APMAP: variants seen among roughly 807,000 people sequenced by gnomAD.
APMAP encodes the protein adipocyte plasma membrane-associated protein.
In APMAP, 33 loss-of-function variants were observed where a neutral mutation model predicts 43.6. That is an observed-to-expected ratio of 0.76 (90% CI 0.57 to 1.01). APMAP has a LOEUF of 1.01. Among genes scored for constraint, APMAP ranks in the 50% least tolerant of loss-of-function variants. APMAP has a pLI of 0.00. For missense variants in APMAP, 498 were observed against 540.7 expected (o/e 0.92, Z 0.78); for synonymous variants, 224 against 216.7 (o/e 1.03, Z -0.30).
At chr20:24,982,796 G>A (rs998813525) in intron 2 of APMAP, among the ~76,000 whole-genome samples, 8 of 152,024 alleles carry the variant, frequency 5.3e-5, no homozygotes, top group Non-Finnish European at 1.2e-4. Context: ...AGAAGGGTTA[G>A]AAAGAGAGAA....
At chr20:24,984,095 C>T in intron 1 of APMAP, 76 bp from the exon 2 acceptor site, 1 of 1,202,352 alleles carries the variant, frequency 8.3e-7, no homozygotes, top group Non-Finnish European at 1.2e-6. Flanking sequence ...CGAAAGCCCT[C>T]CCGGCAGGAG....
At chr20:24,988,235 A>G (rs2122532115) in intron 1 of APMAP, among the ~76,000 whole-genome samples, 1 of 152,300 alleles carries the variant, frequency 6.6e-6, no homozygotes, top group South Asian at 2.1e-4. Context: ...CTTGCCTAAC[A>G]TCATTCTACC....
At chr20:24,968,308 T>A (rs981993894) in intron 8 of APMAP, among the ~76,000 whole-genome samples, 5 of 152,158 alleles carry the variant, frequency 3.3e-5, no homozygotes, top group African/African-American at 2.4e-5. Context: ...GACTTTTTTT[T>A]AAAAAGGGAA....
At chr20:24,983,268 C>T (rs1191841555) in intron 2 of APMAP, among the ~76,000 whole-genome samples, 1 of 152,206 alleles carries the variant, frequency 6.6e-6, no homozygotes, top group Admixed American at 6.5e-5. Context: ...AAATAAGCTT[C>T]AGATGGCTTC....
intron 1 of APMAP, among the ~76,000 whole-genome samples, chr20:24,991,069 GTCT>G (rs1486465189): frequency 6.6e-6 from 1 of 152,220 alleles, no homozygotes; most frequent in Non-Finnish European, 1.5e-5. Context: ...AAACAATTAA[GTCT>G]GCCTGCTTGC....
chr20:24,979,673 T>C (rs2088084005), intron 2 of APMAP, among the ~76,000 whole-genome samples: 1 of 152,074 alleles, frequency 6.6e-6, no homozygotes, highest in African/African-American at 2.4e-5. Context: ...TGTAGTCTAT[T>C]CTCAATCCAG....
At position 24,964,036 on chromosome 20, in the gene APMAP, C is replaced by CT; in HGVS notation, c.1042-15_1042-14insA. The CT allele has an allele frequency of 6.2e-7, 1 of 1,613,724 alleles. No individual in the cohort carries two copies. Among genetic ancestry groups the CT allele is most frequent in the Non-Finnish European group, 8.5e-7 (1 of 1,179,698 alleles). On this transcript the variant is annotated splice_polypyrimidine_tract_variant and intron_variant, in intron 8 of 8. Coordinates refer to ENST00000217456, the MANE Select transcript of APMAP (RefSeq NM_020531.3). ...TTGACTAAAGAGCTAGAGGGAAGCA[C>CT]AGTGCAGGGAAAGTTCACCAGCTGG...
chr20:24,971,013 A>G (rs2087994590), intron 5 of APMAP, among the ~76,000 whole-genome samples: 1 of 152,228 alleles, frequency 6.6e-6, no homozygotes. Context: ...CACAGCACGT[A>G]TTACAGCCTG....
At chr20:24,964,210 C>A (rs929052425) in intron 8 of APMAP, among the ~76,000 whole-genome samples, 188 bp from the exon 9 acceptor site, 3 of 152,160 alleles carry the variant, frequency 2.0e-5, no homozygotes, top group Non-Finnish European at 4.4e-5. Flanking sequence ...CCAAAGCAGG[C>A]CCCACCCCAC....
intron 1 of APMAP, among the ~76,000 whole-genome samples, chr20:24,985,756 T>G (rs2122527063): frequency 6.6e-6 from 1 of 152,032 alleles, no homozygotes; most frequent in Middle Eastern, 3.4e-3. Context: ...TAGATTTCCT[T>G]GAACACATTA....
intron 8 of APMAP, among the ~76,000 whole-genome samples, chr20:24,964,682 C>T (rs546052531): frequency 6.6e-5 from 10 of 152,186 alleles, no homozygotes; most frequent in African/African-American, 2.4e-4. Context: ...TGGCGAGAGG[C>T]GTGATTTCTG....
At chr20:24,991,114 G>C (rs937205240) in intron 1 of APMAP, among the ~76,000 whole-genome samples, 2 of 152,176 alleles carry the variant, frequency 1.3e-5, no homozygotes, top group African/African-American at 4.8e-5. Flanking sequence ...CAGCCAACTT[G>C]AGAGTTGGGA....
Position 24,973,508 on chromosome 20 carries a change from C to T in APMAP, c.421+137G>A, listed in dbSNP as rs1473499500. ...CCGGCAAATGAAGAGCTCGTAGTGA[C>T]GTCATGTTCCATCTACTAGATGGTC... On this transcript the variant is annotated intron_variant, in intron 4 of 8. Coordinates refer to ENST00000217456, the MANE Select transcript of APMAP (RefSeq NM_020531.3). The T allele has an allele frequency of 1.8e-5, 14 of 776,738 alleles. No homozygotes were observed. In the East Asian group the frequency reaches 2.0e-4, roughly 11 times the overall value. 48.1% of individuals were successfully genotyped at this position (776,738 alleles called of 1,614,324 possible).
At chr20:24,978,745 C>CGA in intron 3 of APMAP, 22 bp downstream of exon 3, 2 of 1,343,146 alleles carry the variant, frequency 1.5e-6, no homozygotes, top group South Asian at 2.3e-5. Flanking sequence ...AAGGCTCCCC[C>CGA]CCCACCCAAG....
At position 24,992,652 on chromosome 20, in the gene APMAP, G is replaced by C. The variant is rs927299360; in HGVS notation, c.37C>G (p.Leu13Val). The stretch of plus-strand genomic sequence containing the variant: ...TCGTCTGTGACGACCTGCGGCCGCA[G>C]GGGCCGGCGCTGTCGCAGCCCGTCC... Reference protein sequence around the residue: ...EADGLRQRRPLRPQVVTDDDG... With the variant: ...EADGLRQRRPVRPQVVTDDDG... The change falls in exon 1 of 9, where the codon CTG becomes GTG. Residue 13 changes from leucine (L) to valine (V), a missense_variant. Transcript: ENST00000217456. 5.1e-6 allele frequency: 8 copies of C among 1,562,348 alleles called. No individual in the cohort carries two copies. The highest frequency in any genetic ancestry group is 1.2e-5 in the South Asian group (1 of 85,176).
chr20:24,968,424 G>A (rs2087964603), intron 8 of APMAP, among the ~76,000 whole-genome samples: 1 of 152,248 alleles, frequency 6.6e-6, no homozygotes, highest in Non-Finnish European at 1.5e-5. Context: ...GGCAGCTGTG[G>A]TGACTAGGTT....
chr20:24,965,574 G>A (rs2087935632), intron 8 of APMAP, among the ~76,000 whole-genome samples: 2 of 152,308 alleles, frequency 1.3e-5, no homozygotes, highest in South Asian at 2.1e-4. Flanking sequence ...GGGGTGAGGA[G>A]GTGTCCCCAC....
At chr20:24,971,195 A>G (rs191592209) in intron 5 of APMAP, among the ~76,000 whole-genome samples, 4 of 152,340 alleles carry the variant, frequency 2.6e-5, no homozygotes, top group Non-Finnish European at 4.4e-5. Flanking sequence ...CTTCCTCAAA[A>G]TAAGTCCTTT....
At chr20:24,971,031 G>A (rs907709854) in intron 5 of APMAP, among the ~76,000 whole-genome samples, 4 of 152,040 alleles carry the variant, frequency 2.6e-5, no homozygotes, top group Admixed American at 6.6e-5. Context: ...CTGATCAAGG[G>A]GACTCATGAG....
Sources: gnomAD v4.1 joint callset for allele counts (sites outside exome capture counted in the v4.1 genomes callset) on GRCh38, gnomAD v4.1.1 for gene constraint, MANE v1.5 for transcripts, NCBI Gene and HGNC (gene_info 2026-07-23, HGNC 2026-07-21) for gene names.